The following TTC28 variants were observed in gnomAD, a reference collection of about 807,000 sequenced individuals.
The protein encoded by TTC28 is tetratricopeptide repeat domain 28, also known as tetratricopeptide repeat protein 28.
TTC28 carries 61 observed loss-of-function variants against 198.0 expected under a neutral mutation model. The observed-to-expected ratio is 0.31, with a 90% confidence interval of 0.25 to 0.38. The LOEUF (loss-of-function observed/expected upper bound fraction) is 0.38. TTC28 is among the 10% of genes least tolerant of loss of function. The pLI, the probability that TTC28 is intolerant of heterozygous loss-of-function variation, is 1.00. For synonymous variants in TTC28, 1,171 were observed against 1,297.8 expected (o/e 0.90, Z 2.10); for missense variants, 2,678 against 3,164.0 (o/e 0.85, Z 3.69).
chr22:27,983,619 G>GC lies in TTC28; in HGVS notation c.6047dup (p.Gly2018ArgfsTer7), dbSNP rs1284057310. 1.3e-6 allele frequency: 2 copies of GC among 1,544,214 alleles called. No individual in the cohort carries two copies. ...GGTCATGGTCCTGCCGTCCTCCGGG[G>GC]CCTCCACCCTCTGATCCACCCTCGG... On this transcript the variant is annotated frameshift_variant, in exon 23 of 23. Transcript: ENST00000397906. LOFTEE classifies it low-confidence loss of function (END_TRUNC).
At chr22:28,249,734 C>T (rs1383140233) in intron 5 of TTC28, among the ~76,000 whole-genome samples, 6 of 152,222 alleles carry the variant, frequency 3.9e-5, no homozygotes, top group East Asian at 1.9e-4. Flanking sequence ...CTGAGACGGG[C>T]AGGCCCTTAA....
In TTC28 at chr22:28,465,490, G is replaced by A. The variant is rs144979089; in HGVS notation, c.382-158847C>T. 3.4e-3 allele frequency among the ~76,000 whole-genome samples: 522 copies of A among 152,128 alleles called. 2 individuals carry two copies. The highest frequency in any genetic ancestry group is 6.7e-3 in the Admixed American group (102 of 15,290). ...AATACAAAAATTAGGCCGGCGTGGT[G>A]GTGTGTGCCTGTAATCCCAGCTACT... On this transcript the variant is annotated intron_variant, in intron 2 of 22. Coordinates refer to ENST00000397906, the MANE Select transcript of TTC28 (RefSeq NM_001145418.2).
chr22:28,371,355 A>T (rs1332800561), intron 2 of TTC28, among the ~76,000 whole-genome samples: 1 of 149,054 alleles, frequency 6.7e-6, no homozygotes, highest in Non-Finnish European at 1.5e-5. Context: ...ACCAAAAAAA[A>T]AAAAATTAGC....
At chr22:28,606,146 C>T (rs893425841) in intron 2 of TTC28, among the ~76,000 whole-genome samples, 4 of 151,220 alleles carry the variant, frequency 2.6e-5, no homozygotes, top group Admixed American at 2.0e-4. Context: ...TGCAATGGCA[C>T]GATCTCGGCT....
intron 5 of TTC28, among the ~76,000 whole-genome samples, chr22:28,239,613 G>A (rs1013380960): frequency 2.0e-5 from 3 of 152,180 alleles, no homozygotes; most frequent in African/African-American, 4.8e-5. Flanking sequence ...AGTCTAGCAT[G>A]AGAGCATGAA....
intron 3 of TTC28, among the ~76,000 whole-genome samples, chr22:28,302,084 G>A (rs567823374): frequency 1.0e-3 from 152 of 151,528 alleles, no homozygotes; most frequent in African/African-American, 3.4e-3. Flanking sequence ...TTAATCCAGA[G>A]TTCTTAGAAG....
intron 2 of TTC28, among the ~76,000 whole-genome samples, chr22:28,351,803 A>C (rs939641133): frequency 1.3e-5 from 2 of 152,240 alleles, no homozygotes; most frequent in Non-Finnish European, 2.9e-5. Context: ...TTTAAAGATA[A>C]GGAGGAGAAT....
chr22:28,575,897 T>C (rs1288850683), intron 2 of TTC28, among the ~76,000 whole-genome samples: 1 of 152,198 alleles, frequency 6.6e-6, no homozygotes, highest in Non-Finnish European at 1.5e-5. Flanking sequence ...TAATAGTTTT[T>C]GGTGGTGTCT....
chr22:28,047,109 C>T (rs1352764450), intron 12 of TTC28, among the ~76,000 whole-genome samples: 3 of 152,176 alleles, frequency 2.0e-5, no homozygotes, highest in Non-Finnish European at 4.4e-5. Context: ...CAGCCCCTTT[C>T]GGAGAGGAGT....
intron 5 of TTC28, among the ~76,000 whole-genome samples, chr22:28,183,048 GTC>G (rs1923856609): frequency 6.8e-6 from 1 of 146,080 alleles, no homozygotes; most frequent in South Asian, 2.2e-4. Context: ...CCCCTTCAAT[GTC>G]TTTTTTTTTT....
intron 2 of TTC28, among the ~76,000 whole-genome samples, chr22:28,481,720 TA>T (rs1189071069): frequency 6.6e-6 from 1 of 152,158 alleles, no homozygotes. Flanking sequence ...GGATTTGGAT[TA>T]ATTTCGTGGT....
At chr22:28,641,448 C>A (rs936486365) in intron 1 of TTC28, among the ~76,000 whole-genome samples, 2 of 152,112 alleles carry the variant, frequency 1.3e-5, no homozygotes, top group African/African-American at 4.8e-5. Context: ...TTTATTAAAT[C>A]TCCATAGTAG....
At chr22:28,074,699 G>GTTTT (rs1941109988) in intron 12 of TTC28, among the ~76,000 whole-genome samples, 2 of 152,126 alleles carry the variant, frequency 1.3e-5, no homozygotes, top group South Asian at 4.1e-4. Flanking sequence ...CCACATCAAT[G>GTTTT]TGGTCTGTTT....
intron 2 of TTC28, among the ~76,000 whole-genome samples, chr22:28,566,925 T>C (rs1601574076): frequency 6.6e-6 from 1 of 151,170 alleles, no homozygotes; most frequent in Non-Finnish European, 1.5e-5. Flanking sequence ...TCTAAAAAGG[T>C]AAAAATATAG....
intron 5 of TTC28, among the ~76,000 whole-genome samples, chr22:28,261,362 C>T (rs1931305014): frequency 6.6e-6 from 1 of 152,100 alleles, no homozygotes; most frequent in Non-Finnish European, 1.5e-5. Context: ...ATATCAGCAA[C>T]AGGGTGATCC....
intron 5 of TTC28, among the ~76,000 whole-genome samples, chr22:28,280,773 C>T (rs1191066866): frequency 2.6e-5 from 4 of 152,032 alleles, no homozygotes; most frequent in African/African-American, 4.8e-5. Flanking sequence ...TTTCTTATAG[C>T]GCAGGTCTGT....
intron 5 of TTC28, among the ~76,000 whole-genome samples, chr22:28,226,951 G>T (rs1295858864): frequency 6.6e-6 from 1 of 151,974 alleles, no homozygotes; most frequent in African/African-American, 2.4e-5. Flanking sequence ...TTGTGACAGG[G>T]TCTCACTCTG....
At position 28,398,948 on chromosome 22, in the gene TTC28, T is replaced by C. The variant is rs180918483; in HGVS notation, c.382-92305A>G. ...ACAGGACTACAATAACTGGTTCAGA[T>C]ATATGTGTTTTTAAACTTAAACATG... On this transcript the variant is annotated intron_variant, in intron 2 of 22. Coordinates refer to ENST00000397906, the MANE Select transcript of TTC28 (RefSeq NM_001145418.2). Among the ~76,000 whole-genome samples the C allele has an allele frequency of 1.1e-4, 17 of 152,210 alleles. No homozygotes were observed. In the East Asian group the frequency reaches 2.9e-3, roughly 26 times the overall value.
At chr22:28,312,825 T>G (rs1366681229) in intron 2 of TTC28, among the ~76,000 whole-genome samples, 1 of 151,884 alleles carries the variant, frequency 6.6e-6, no homozygotes, top group African/African-American at 2.4e-5. Context: ...AGCAAACACA[T>G]TCAAAAACTA....
Sources: allele counts gnomAD v4.1 joint callset (sites outside exome capture counted in the v4.1 genomes callset), GRCh38; gene constraint gnomAD v4.1.1; transcripts MANE v1.5; gene names NCBI Gene and HGNC (gene_info 2026-07-23, HGNC 2026-07-21).